Variants in CALD1 observed in about 807,000 individuals in gnomAD.
CALD1 encodes the protein caldesmon 1.
A neutral mutation model predicts 99.9 loss-of-function variants in CALD1; 33 were observed. That is an observed-to-expected ratio of 0.33 (90% CI 0.25 to 0.44). The LOEUF is 0.44. CALD1 is among the 20% of genes least tolerant of loss of function. The probability of loss-of-function intolerance (pLI) is 1.00; values close to 1 mark genes in which losing one functional copy is unlikely to be tolerated. For synonymous variants in CALD1, 310 were observed against 325.0 expected (o/e 0.95, Z 0.50); for missense variants, 861 against 962.1 (o/e 0.89, Z 1.39).
chr7:134,907,449 T>G (rs1049616438), intron 3 of CALD1, among the ~76,000 whole-genome samples: 1 of 151,850 alleles, frequency 6.6e-6, no homozygotes, highest in Non-Finnish European at 1.5e-5. Context: ...ACATTACAAC[T>G]CTATGTTCAG....
At chr7:134,918,762 A>G (rs1179417105) in intron 3 of CALD1, among the ~76,000 whole-genome samples, 1 of 152,208 alleles carries the variant, frequency 6.6e-6, no homozygotes, top group East Asian at 1.9e-4. Context: ...TTGGGAGGCC[A>G]AGGCAGGCAG....
intron 2 of CALD1, among the ~76,000 whole-genome samples, chr7:134,862,577 A>C (rs1459695467): frequency 2.0e-5 from 3 of 152,336 alleles, no homozygotes; most frequent in Non-Finnish European, 4.4e-5. Context: ...AGGAGAGGGA[A>C]GGGATAAATG....
At chr7:134,891,391 T>C (rs1802156660) in intron 3 of CALD1, 1 of 1,267,658 alleles carries the variant, frequency 7.9e-7, no homozygotes, top group Non-Finnish European at 1.0e-6. Context: ...GATGATCCTG[T>C]GAGGAGGGAA....
At chr7:134,876,150 A>C (rs1801339258) in intron 3 of CALD1, among the ~76,000 whole-genome samples, 1 of 152,216 alleles carries the variant, frequency 6.6e-6, no homozygotes, top group African/African-American at 2.4e-5. Flanking sequence ...TGCACCCACC[A>C]AACTTGGCAC....
intron 1 of CALD1, among the ~76,000 whole-genome samples, chr7:134,813,710 A>G (rs1237440429): frequency 6.6e-6 from 1 of 152,206 alleles, no homozygotes; most frequent in Non-Finnish European, 1.5e-5. Flanking sequence ...GGATGTTTGG[A>G]CTTGGGAAAC....
At chr7:134,785,307 A>T (rs966543413) in intron 1 of CALD1, among the ~76,000 whole-genome samples, 2 of 152,240 alleles carry the variant, frequency 1.3e-5, no homozygotes, top group African/African-American at 4.8e-5. Flanking sequence ...CATCTCAGAA[A>T]GATTTTGGGA....
chr7:134,780,441 T>A (rs2131670511), intron 1 of CALD1, among the ~76,000 whole-genome samples: 1 of 152,188 alleles, frequency 6.6e-6, no homozygotes, highest in East Asian at 1.9e-4. Context: ...TGTGTTTTTT[T>A]AGAAAGCACA....
Position 134,933,360 on chromosome 7 carries a change from G to T in CALD1, c.591G>T (p.Lys197Asn), listed in dbSNP as rs780371499. The T allele has an allele frequency of 6.2e-7, 1 of 1,604,794 alleles. No homozygotes were observed. Among genetic ancestry groups the T allele is most frequent in the Non-Finnish European group, 8.5e-7 (1 of 1,174,718 alleles). The stretch of plus-strand genomic sequence containing the variant: ...AAAAGGAGGAGGAGGAAGAGGAGAA[G>T]CCAAAGCGAGGGAGCATTGGAGAAA... ...DKEKEEEEEE[K>N]PKRGSIGENQ... Residue 197 changes from lysine to asparagine, a missense_variant, in exon 5 of 15, where the codon AAG becomes AAT. By Grantham distance (94) the Lys-to-Asn change is moderately conservative. Around this residue, in one of 5 missense-constraint regions of CALD1, gnomAD observed 234 missense variants for 233.1 expected, o/e 1.00. Coordinates refer to ENST00000361675, the MANE Select transcript of CALD1 (RefSeq NM_033138.4).
chr7:134,776,219 A>G (rs887119285), upstream of CALD1, among the ~76,000 whole-genome samples: 1 of 152,096 alleles, frequency 6.6e-6, no homozygotes, highest in Non-Finnish European at 1.5e-5. Context: ...TATAATGGGA[A>G]TGCTCTTAAC....
At chr7:134,878,524 G>C (rs1288116344) in intron 3 of CALD1, among the ~76,000 whole-genome samples, 1 of 152,082 alleles carries the variant, frequency 6.6e-6, no homozygotes. Flanking sequence ...AGCCGAGATC[G>C]CACCACTGCA....
At chr7:134,874,661 C>T (rs1025815252) in intron 3 of CALD1, among the ~76,000 whole-genome samples, 1 of 152,130 alleles carries the variant, frequency 6.6e-6, no homozygotes. Context: ...AAGAAAGGCC[C>T]CTATTGTAGA....
intron 1 of CALD1, among the ~76,000 whole-genome samples, chr7:134,785,742 T>G (rs562389873): frequency 6.6e-6 from 1 of 152,164 alleles, no homozygotes; most frequent in South Asian, 2.1e-4. Context: ...GCAAAACATA[T>G]GCTGAACCGA....
the CALD1 span, among the ~76,000 whole-genome samples, chr7:134,714,874 G>A: frequency 2.6e-5 from 4 of 152,146 alleles, no homozygotes; most frequent in African/African-American, 7.2e-5. Context: ...TGGGCAGCTA[G>A]GGCAAGTACA....
intron 1 of CALD1, among the ~76,000 whole-genome samples, chr7:134,768,683 A>G (rs1397945633): frequency 6.6e-6 from 1 of 152,244 alleles, no homozygotes; most frequent in Non-Finnish European, 1.5e-5. Flanking sequence ...AATTTTTTAA[A>G]AAAAACAAAA....
rs1807815735 is a variant in CALD1 at position 134,956,899 on chromosome 7, T to C, written c.1936-1170T>C. Among the ~76,000 whole-genome samples the C allele has an allele frequency of 3.3e-5, 5 of 152,154 alleles. No homozygotes were observed. In the South Asian group the frequency reaches 1.0e-3, roughly 32 times the overall value. ...GGGTGTGGCATGGATTCAACAAATA[T>C]TTGCTTATTGCTAACATCTAAATTT... On this transcript the variant is annotated intron_variant, in intron 9 of 14. Transcript: ENST00000361675.
At chr7:134,763,688 G>A (rs1562991116) in intron 1 of CALD1, among the ~76,000 whole-genome samples, 1 of 152,158 alleles carries the variant, frequency 6.6e-6, no homozygotes, top group Non-Finnish European at 1.5e-5. Context: ...GGGAGGCTAA[G>A]GCGGGTGGAT....
chr7:134,813,885 G>C (rs1433642489), intron 1 of CALD1, among the ~76,000 whole-genome samples: 3 of 152,162 alleles, frequency 2.0e-5, no homozygotes, highest in Non-Finnish European at 4.4e-5. Flanking sequence ...GGGGATGTCA[G>C]CTGGTAAAGG....
rs573780129 is a variant in CALD1 at position 134,760,831 on chromosome 7, A to T, written c.-130+16468A>T. Among the ~76,000 whole-genome samples the T allele has an allele frequency of 5.3e-5, 8 of 152,120 alleles. No individual in the cohort carries two copies. In the South Asian group the frequency reaches 1.2e-3, roughly 24 times the overall value. On this transcript the variant is annotated intron_variant, in intron 1 of 13. Transcript: ENST00000417172. ...AAAAGAACAAAGTTCCAGAATGCAA[A>T]TTTTTTTTCTTCTTTCTTCCTTTTT...
rs373700336 is a variant in CALD1, at chr7:134,814,124, T to C, written c.-129-29760T>C. Among the ~76,000 whole-genome samples the C allele has an allele frequency of 9.2e-5, 14 of 152,206 alleles. No individual in the cohort carries two copies. The East Asian group carries it at 2.5e-3, about 27-fold the overall frequency. ...TGCAACAAGGAGGGGTAGAGGATAA[T>C]ATTTTCAGGAAGGAATATAGCTGTG... On this transcript the variant is annotated intron_variant, in intron 1 of 14. Transcript: ENST00000361675.
Sources: gnomAD v4.1 joint callset for allele counts (sites outside exome capture counted in the v4.1 genomes callset) on GRCh38, gnomAD v4.1.1 for gene constraint, gnomAD v4.1.1 regional missense constraint, MANE v1.5 for transcripts, NCBI Gene and HGNC (gene_info 2026-07-23, HGNC 2026-07-21) for gene names.